PCDH9: variants seen among roughly 807,000 people sequenced by gnomAD.
PCDH9 encodes the protein protocadherin 9.
A neutral mutation model predicts 70.6 loss-of-function variants in PCDH9; 24 were observed. That is an observed-to-expected ratio of 0.34 (90% CI 0.25 to 0.48). The LOEUF is 0.48. PCDH9 is among the 20% of genes least tolerant of loss of function. The probability of loss-of-function intolerance (pLI) is 0.99; values close to 1 mark genes in which losing one functional copy is unlikely to be tolerated. For synonymous variants in PCDH9, 562 were observed against 558.5 expected (o/e 1.01, Z -0.09); for missense variants, 1,281 against 1,503.6 (o/e 0.85, Z 2.45).
intron 1 of PCDH9, among the ~76,000 whole-genome samples, chr13:67,229,254 G>T (rs916569292): frequency 6.6e-6 from 1 of 152,134 alleles, no homozygotes; most frequent in African/African-American, 2.4e-5. Flanking sequence ...TCCTCATTAG[G>T]ATTCATAAAC....
At chr13:66,389,587 C>T (rs574283822) in intron 4 of PCDH9, among the ~76,000 whole-genome samples, 15 of 152,140 alleles carry the variant, frequency 9.9e-5, no homozygotes, top group African/African-American at 3.6e-4. Flanking sequence ...TGGGATTTCC[C>T]GTAGATATGA....
chr13:66,592,792 A>T (rs1466424542), intron 4 of PCDH9, among the ~76,000 whole-genome samples: 3 of 151,814 alleles, frequency 2.0e-5, no homozygotes, highest in Admixed American at 2.0e-4. Flanking sequence ...TGACCAGAAT[A>T]AAAGAAGTTA....
chr13:66,774,802 CCTAA>C (rs2079864540), intron 3 of PCDH9, among the ~76,000 whole-genome samples: 1 of 152,318 alleles, frequency 6.6e-6, no homozygotes, highest in East Asian at 1.9e-4. Flanking sequence ...TCCCTGTCCT[CCTAA>C]CTTTTTGCCA....
intron 2 of PCDH9, among the ~76,000 whole-genome samples, chr13:67,009,048 A>T (rs2084405694): frequency 6.6e-6 from 1 of 152,068 alleles, no homozygotes; most frequent in South Asian, 2.1e-4. Context: ...TTTTTTATTT[A>T]TTACCAAACA....
At chr13:66,647,702 A>G (rs1225434730) in intron 3 of PCDH9, among the ~76,000 whole-genome samples, 2 of 152,140 alleles carry the variant, frequency 1.3e-5, no homozygotes, top group African/African-American at 2.4e-5. Flanking sequence ...TTTGTCTTGC[A>G]GCTTATGTAC....
chr13:66,319,249 T>C (rs1955708492), intron 4 of PCDH9, among the ~76,000 whole-genome samples: 1 of 152,154 alleles, frequency 6.6e-6, no homozygotes, highest in African/African-American at 2.4e-5. Context: ...AAGTGCCCCA[T>C]GATCCAATCA....
At chr13:66,716,675 T>C (rs1418730640) in intron 3 of PCDH9, among the ~76,000 whole-genome samples, 2 of 152,202 alleles carry the variant, frequency 1.3e-5, no homozygotes, top group Admixed American at 1.3e-4. Flanking sequence ...TGTCAATATT[T>C]ATCTCAGGGA....
At chr13:66,592,102 A>G (rs2077045905) in intron 4 of PCDH9, among the ~76,000 whole-genome samples, 1 of 151,776 alleles carries the variant, frequency 6.6e-6, no homozygotes, top group African/African-American at 2.4e-5. Context: ...ATAATGAAAT[A>G]CAAATAAATA....
At chr13:66,714,307 T>G (rs2078839755) in intron 3 of PCDH9, among the ~76,000 whole-genome samples, 1 of 151,538 alleles carries the variant, frequency 6.6e-6, no homozygotes, top group African/African-American at 2.4e-5. Context: ...CCACTAAAAA[T>G]ATGAAAAATT....
At chr13:66,341,762 T>C (rs538532561) in intron 4 of PCDH9, among the ~76,000 whole-genome samples, 1 of 152,210 alleles carries the variant, frequency 6.6e-6, no homozygotes, top group Non-Finnish European at 1.5e-5. Flanking sequence ...GCACAGGACT[T>C]TTGTATAGCA....
intron 4 of PCDH9, among the ~76,000 whole-genome samples, chr13:66,394,633 A>G (rs917253992): frequency 2.6e-5 from 4 of 152,170 alleles, no homozygotes; most frequent in East Asian, 1.9e-4. Flanking sequence ...TCTCATTTAA[A>G]TATATATTAA....
chr13:67,071,631 C>G (rs527751162), intron 2 of PCDH9, among the ~76,000 whole-genome samples: 1 of 152,018 alleles, frequency 6.6e-6, no homozygotes, highest in Non-Finnish European at 1.5e-5. Context: ...TGACTCATAC[C>G]TGTAATCCCA....
rs577220542 is a variant in PCDH9, at chr13:66,696,220, T to C, written c.3139-64809A>G. 7.6e-4 allele frequency among the ~76,000 whole-genome samples: 115 copies of C among 152,268 alleles called. 1 individual carries two copies. Among genetic ancestry groups the C allele is most frequent in the African/African-American group, 2.6e-3 (108 of 41,580 alleles). On this transcript the variant is annotated intron_variant, in intron 3 of 4. Coordinates refer to ENST00000377865, the MANE Select transcript of PCDH9 (RefSeq NM_203487.3). Reference sequence around the variant, plus strand: ...TTTAAAAAATCACTTTCTTAGGCTGTATCACACTAAAAAAAGGAGAAATAA... The same window carrying C: ...TTTAAAAAATCACTTTCTTAGGCTGCATCACACTAAAAAAAGGAGAAATAA...
At position 66,755,436 on chromosome 13, in the gene PCDH9, G is replaced by A. The variant is rs1214796734; in HGVS notation, c.3139-124025C>T. Among the ~76,000 whole-genome samples, 5 of 152,108 alleles carry A rather than the reference G, an allele frequency of 3.3e-5. No homozygotes were observed. In the South Asian group the frequency reaches 6.2e-4, roughly 19 times the overall value. On this transcript the variant is annotated intron_variant, in intron 3 of 4. Coordinates refer to ENST00000377865, the MANE Select transcript of PCDH9 (RefSeq NM_203487.3). ...TGTTTCGTTGAAATAAAGCAGTGGC[G>A]CTGCAAATTAAATTGAGTATTCCCT... is the stretch of plus-strand genomic sequence containing the variant.
intron 4 of PCDH9, among the ~76,000 whole-genome samples, chr13:66,546,067 T>C (rs991140988): frequency 6.6e-6 from 1 of 151,856 alleles, no homozygotes; most frequent in African/African-American, 2.4e-5. Flanking sequence ...CTCGATCTCC[T>C]GACCTCATGA....
intron 4 of PCDH9, among the ~76,000 whole-genome samples, chr13:66,498,439 GA>G (rs534932013): frequency 1.7e-3 from 242 of 145,792 alleles, no homozygotes; most frequent in African/African-American, 5.7e-3. Flanking sequence ...TTCCCAATTT[GA>G]AAAAAAAAAC....
intron 2 of PCDH9, chr13:67,210,788 T>G (rs1387254392): frequency 6.6e-6 from 1 of 151,912 alleles, no homozygotes; most frequent in African/African-American, 2.4e-5. Context: ...AATGGGAAAA[T>G]TTAAGTACTG....
At chr13:66,777,392 GC>G (rs1395031813) in intron 3 of PCDH9, among the ~76,000 whole-genome samples, 5 of 151,384 alleles carry the variant, frequency 3.3e-5, no homozygotes, top group African/African-American at 1.2e-4. Flanking sequence ...CTGACAAAGG[GC>G]TAATATCCAG....
intron 4 of PCDH9, among the ~76,000 whole-genome samples, chr13:66,553,410 T>G (rs1448281463): frequency 6.6e-6 from 1 of 152,224 alleles, no homozygotes; most frequent in Non-Finnish European, 1.5e-5. Context: ...AAATTCTTAC[T>G]GATACAGGTC....
Sources: gnomAD v4.1 joint callset for allele counts (sites outside exome capture counted in the v4.1 genomes callset) on GRCh38, gnomAD v4.1.1 for gene constraint, MANE v1.5 for transcripts, NCBI Gene and HGNC (gene_info 2026-07-23, HGNC 2026-07-21) for gene names.